The following RRM2 variants were observed in gnomAD, a reference collection of about 807,000 sequenced individuals.
RRM2 encodes ribonucleotide reductase regulatory subunit M2, also known as ribonucleoside-diphosphate reductase subunit M2.
RRM2 carries 6 observed loss-of-function variants against 45.9 expected under a neutral mutation model. The observed-to-expected ratio is 0.13, with a 90% CI of 0.07 to 0.26. The LOEUF is 0.26. Among genes scored for constraint, RRM2 ranks in the 10% least tolerant of loss-of-function variants. The pLI is 1.00. For missense variants in RRM2, 343 were observed against 489.5 expected, an observed-to-expected ratio of 0.70 and a Z score of 2.82; for synonymous variants, 177 against 173.0, an observed-to-expected ratio of 1.02 and a Z score of -0.18.
chr2:10,126,925 C>A lies in RRM2; in HGVS notation c.620C>A (p.Ala207Glu), dbSNP rs749951992. The change falls in exon 6 of 10, where the codon GCA becomes GAA. Residue 207 changes from alanine (A) to glutamate (E), a missense_variant. Around this residue, in one of 2 missense-constraint regions of RRM2, gnomAD observed 212 missense variants for 368.1 expected, o/e 0.58. Coordinates refer to ENST00000304567, the MANE Select transcript of RRM2 (RefSeq NM_001034.4). ...ACGATGCCTTGTGTCAAGAAGAAGG[C>A]AGACTGGGCCTTGCGCTGGATTGGG... The part of the protein sequence containing the change: ...IETMPCVKKK[A>E]DWALRWIGDK... 6.2e-7 allele frequency: 1 copy of A among 1,614,090 alleles called. No homozygotes were observed. The highest frequency in any genetic ancestry group is 8.5e-7 in the Non-Finnish European group (1 of 1,180,004).
rs149082427 is a variant in RRM2, at chr2:10,166,280, C to G, written n.482+23905C>G. ...AGAGCTGAGTGCGGGAGAGTGAAGT[C>G]CAGAGACCAGAGCCGGCTGCAGGGG... is the stretch of plus-strand genomic sequence containing the variant. On this transcript the variant is annotated intron_variant and non_coding_transcript_variant, in intron 3 of 3. Coordinates refer to the RRM2 transcript ENST00000381786. Among the ~76,000 whole-genome samples, 110 of 152,350 alleles carry G rather than the reference C, an allele frequency of 7.2e-4. 2 individuals carry two copies. In the East Asian group the frequency reaches 0.016, roughly 22 times the overall value.
At chr2:10,136,524 CTG>C (rs1662992309), upstream of RRM2, among the ~76,000 whole-genome samples, 1 of 152,204 alleles carries the variant, frequency 6.6e-6, no homozygotes, top group Non-Finnish European at 1.5e-5. Context: ...AATGTCAACA[CTG>C]GGAGGCCAAG....
At chr2:10,147,882 C>T (rs889329168) in intron 3 of RRM2, among the ~76,000 whole-genome samples, 13 of 152,092 alleles carry the variant, frequency 8.5e-5, no homozygotes, top group African/African-American at 2.2e-4. Context: ...TGGTGGTTCC[C>T]GCCTGTAATC....
chr2:10,123,186 G>A, intron 2 of RRM2, 129 bp downstream of exon 2: 2 of 1,311,272 alleles, frequency 1.5e-6, no homozygotes, highest in Non-Finnish European at 1.0e-6. Context: ...CCCCTCCCCA[G>A]GGCTGCCTCC....
intron 1 of RRM2, chr2:10,141,746 C>A: frequency 6.8e-7 from 1 of 1,478,820 alleles, no homozygotes; most frequent in Non-Finnish European, 9.1e-7. Context: ...GTTCCAAGCA[C>A]GGGAAACAGA....
At position 10,172,515 on chromosome 2, in the gene RRM2, G is replaced by T. The variant is rs569074669; in HGVS notation, n.482+30140G>T. On this transcript the variant is annotated intron_variant and non_coding_transcript_variant, in intron 3 of 3. Transcript: ENST00000381786. This position sits in a 1 kb window ranked among gnomAD's most constrained non-coding sequence, Gnocchi z 4.9. ...AATTTTGTGAGCAGAATGCTCCTGG[G>T]GCCAATAGATTTTTCCAGTAATGAA... Among the ~76,000 whole-genome samples, 49 of 152,070 alleles carry T rather than the reference G, an allele frequency of 3.2e-4. No individual in the cohort carries two copies. Among genetic ancestry groups the T allele is most frequent in the Admixed American group, 1.6e-3 (25 of 15,272 alleles).
At chr2:10,122,730 GGGT>G, upstream of RRM2, 1 of 1,551,990 alleles carries the variant, frequency 6.4e-7, no homozygotes, top group Non-Finnish European at 8.7e-7. Flanking sequence ...CTGGAGTGAG[GGGT>G]CGCCCGTGCA....
At chr2:10,180,849 C>T (rs1383901126) in intron 3 of RRM2, among the ~76,000 whole-genome samples, 1 of 152,146 alleles carries the variant, frequency 6.6e-6, no homozygotes, top group African/African-American at 2.4e-5. Context: ...TCACTGCAAC[C>T]TCTGCCTCCC....
chr2:10,123,527 G>A lies in RRM2; in HGVS notation c.315G>A (p.Glu105=). The change falls in exon 3 of 10, where the codon GAG becomes GAA. Residue 105 remains glutamate, a synonymous_variant. Coordinates refer to ENST00000304567, the MANE Select transcript of RRM2 (RefSeq NM_001034.4). ...CAGAGGCTTCCTTTTGGACCGCCGA[G>A]GAGGTAATCGGAGGACCCCAGAAGA... ...KKAEASFWTA[E]EVDLSKDIQH... is the part of the protein sequence containing the mutation. The A allele has an allele frequency of 1.2e-6, 2 of 1,611,390 alleles. No homozygotes were observed. The highest frequency in any genetic ancestry group is 1.1e-5 in the South Asian group (1 of 90,944).
intron 3 of RRM2, among the ~76,000 whole-genome samples, chr2:10,161,817 C>A (rs112997836): frequency 7.2e-5 from 11 of 152,092 alleles, no homozygotes; most frequent in Non-Finnish European, 1.5e-4. Flanking sequence ...TTCAGAGAGG[C>A]TAAGGGGCAT....
chr2:10,206,081 C>G (rs1664658940), intron 3 of RRM2, among the ~76,000 whole-genome samples: 1 of 151,758 alleles, frequency 6.6e-6, no homozygotes, highest in African/African-American at 2.4e-5. Context: ...CCTGTCTGTA[C>G]TAAAAATACA....
chr2:10,133,213 CTTCAGCA>C (rs772793933), downstream of RRM2, among the ~76,000 whole-genome samples: 114 of 152,370 alleles, frequency 7.5e-4, no homozygotes, highest in Middle Eastern at 3.4e-3. Flanking sequence ...CCCTGCTGAG[CTTCAGCA>C]TGTTCCAGAT....
At position 10,164,038 on chromosome 2, in the gene RRM2, G is replaced by A. The variant is rs138216201; in HGVS notation, n.482+21663G>A. Among the ~76,000 whole-genome samples the A allele has an allele frequency of 7.5e-3, 1,138 of 152,190 alleles. 13 individuals carry two copies. The highest frequency in any genetic ancestry group is 0.026 in the African/African-American group (1,085 of 41,530). Reference sequence around the variant, plus strand: ...TGTGTGTGTGTGTGCATGAGTGTGAGTGTGAATATGTGTGTGTGCATGAGT... The same window carrying A: ...TGTGTGTGTGTGTGCATGAGTGTGAATGTGAATATGTGTGTGTGCATGAGT... On this transcript the variant is annotated intron_variant and non_coding_transcript_variant, in intron 3 of 3. Coordinates refer to the RRM2 transcript ENST00000381786.
chr2:10,154,691 C>CTTTTTT lies in RRM2; in HGVS notation n.482+12332_482+12337dup, dbSNP rs70948874. Among the ~76,000 whole-genome samples the CTTTTTT allele has an allele frequency of 1.4e-4, 13 of 95,752 alleles. No individual in the cohort carries two copies. The East Asian group carries it at 1.8e-3, about 13-fold the overall frequency. 62.8% of individuals were successfully genotyped at this position (95,752 alleles called of 152,430 possible). A position where few individuals can be genotyped will look rare whatever the true frequency, so the allele number is the denominator to read the frequency against. Reference sequence around the variant, plus strand: ...TGTCTCCACAGAGTAAGTCCTGATTCTTTTTTTTTTTTTTTTTTTTTGAGA... The same window carrying CTTTTTT: ...TGTCTCCACAGAGTAAGTCCTGATTCTTTTTTTTTTTTTTTTTTTTTTTTTTTGAGA... On this transcript the variant is annotated intron_variant and non_coding_transcript_variant, in intron 3 of 3. Coordinates refer to the RRM2 transcript ENST00000381786.
At chr2:10,181,754 CT>C (rs869117515) in intron 3 of RRM2, among the ~76,000 whole-genome samples, 3,870 of 57,206 alleles carry the variant, frequency 0.068, 142 homozygotes, top group Non-Finnish European at 0.08. Context: ...CTCTCTCTCT[CT>C]TTTTTTTTTT....
chr2:10,177,778 C>G (rs746542762), intron 3 of RRM2, among the ~76,000 whole-genome samples: 2 of 147,642 alleles, frequency 1.4e-5, no homozygotes, highest in East Asian at 4.3e-4. Flanking sequence ...TGCGCCATCA[C>G]GTCTGTTTAA....
At chr2:10,203,682 C>T (rs1308833710) in intron 3 of RRM2, among the ~76,000 whole-genome samples, 1 of 152,024 alleles carries the variant, frequency 6.6e-6, no homozygotes, top group African/African-American at 2.4e-5. Context: ...ACCCGGGAGG[C>T]GGAGGTTGCA....
At chr2:10,138,166 AATT>A (rs1163026005), upstream of RRM2, among the ~76,000 whole-genome samples, 5 of 105,824 alleles carry the variant, frequency 4.7e-5, no homozygotes, top group East Asian at 1.1e-3. Flanking sequence ...ATGCCCGGCT[AATT>A]TTTTTTTTTT....
In RRM2 at chr2:10,124,294, C is replaced by T. The variant is rs373606602; in HGVS notation, c.436-423C>T. 9.2e-5 allele frequency among the ~76,000 whole-genome samples: 14 copies of T among 152,172 alleles called. 1 individual carries two copies. Among genetic ancestry groups the T allele is most frequent in the Admixed American group, 5.9e-4 (9 of 15,280 alleles). ...CTAATATCTGTATTTTTAGTAGAGA[C>T]AGGGTTTTACCATGTTGGCCAGGCT... On this transcript the variant is annotated intron_variant, in intron 4 of 9. Coordinates refer to ENST00000304567, the MANE Select transcript of RRM2 (RefSeq NM_001034.4).
Sources: gnomAD v4.1 joint callset for allele counts (sites outside exome capture counted in the v4.1 genomes callset) on GRCh38, gnomAD v4.1.1 for gene constraint, gnomAD v4.1.1 regional missense constraint, Gnocchi (gnomAD v3.1) non-coding constraint, MANE v1.5 for transcripts, NCBI Gene and HGNC (gene_info 2026-07-23, HGNC 2026-07-21) for gene names.